The following PTHLH variants were observed in gnomAD, a reference collection of about 807,000 sequenced individuals.
PTHLH encodes the protein parathyroid hormone like hormone.
In PTHLH, 5 loss-of-function variants were observed where a neutral mutation model predicts 18.6. The ratio of observed to expected loss-of-function variants is 0.27; its 90% CI spans 0.14 to 0.56. The LOEUF (loss-of-function observed/expected upper bound fraction) is 0.56, where lower values mean the gene tolerates loss of function less well. Among genes scored for constraint, PTHLH ranks in the 20% least tolerant of loss-of-function variants. PTHLH has a pLI of 0.92. For synonymous variants in PTHLH, 90 were observed against 94.0 expected, an observed-to-expected ratio of 0.96 and a Z score of 0.25; for missense variants, 207 against 223.9, an observed-to-expected ratio of 0.92 and a Z score of 0.48.
At chr12:27,962,907 A>G in intron 5 of PTHLH, 6 of 1,050,878 alleles carry the variant, frequency 5.7e-6, no homozygotes, top group Non-Finnish European at 4.6e-6. Flanking sequence ...GTGTTTGTAG[A>G]TAATATCAAA....
Position 27,958,309 on chromosome 12 carries a change from T to C in PTHLH, c.*250A>G, listed in dbSNP as rs538059508. On this transcript the variant is annotated 3_prime_UTR_variant, in exon 6 of 6. Coordinates refer to ENST00000545234, the MANE Select transcript of PTHLH (RefSeq NM_198965.2). ...ATATAGAAATTCAGCAGCACCAAGA[T>C]ACATTTACAAAATAAATACATCAAT... 1.1e-5 allele frequency: 4 copies of C among 347,838 alleles called. No individual in the cohort carries two copies. Among genetic ancestry groups the C allele is most frequent in the Admixed American group, 4.7e-5 (1 of 21,368 alleles). The allele number at this position is 347,838 out of a possible 1,614,324, so 21.5% of individuals were successfully genotyped here. A position where few individuals can be genotyped will look rare whatever the true frequency, so the allele number is the denominator to read the frequency against.
intron 5 of PTHLH, chr12:27,963,139 A>G (rs1188671800): frequency 6.9e-6 from 10 of 1,449,384 alleles, no homozygotes; most frequent in South Asian, 1.4e-5. Flanking sequence ...GCGCCTCTCT[A>G]TGGTGCTGGA....
Position 27,969,026 on chromosome 12 carries a change from G to A in PTHLH, c.101+368C>T, listed in dbSNP as rs918899666. The A allele has an allele frequency of 1.4e-5, 4 of 291,458 alleles. No individual in the cohort carries two copies. The South Asian group carries it at 1.8e-4, about 13-fold the overall frequency. The allele number at this position is 291,458 out of a possible 1,614,324, so 18.1% of individuals were successfully genotyped here. On this transcript the variant is annotated intron_variant, in intron 4 of 5. Transcript: ENST00000545234. ...CAAGCGCGCAGGCCATACGTCCCCA[G>A]GACCGCTCAGCTTCCTCCGAGTTTC...
Position 27,958,397 on chromosome 12 carries a change from T to A in PTHLH, c.*162A>T, listed in dbSNP as rs1030181834. On this transcript the variant is annotated 3_prime_UTR_variant, in exon 6 of 6. Transcript: ENST00000545234. Reference sequence around the variant, plus strand: ...TGGATTAGCCTTGGCAAAAAAAAAATATTCACAATGACCAATGTGCAGTTT... The same window carrying A: ...TGGATTAGCCTTGGCAAAAAAAAAAAATTCACAATGACCAATGTGCAGTTT... The A allele has an allele frequency of 1.0e-4, 52 of 501,188 alleles. 1 individual carries two copies. Among genetic ancestry groups the A allele is most frequent in the Non-Finnish European group, 1.6e-4 (50 of 312,244 alleles). The allele number at this position is 501,188 out of a possible 1,614,324, so 31.0% of individuals were successfully genotyped here. A position where few individuals can be genotyped will look rare whatever the true frequency, so the allele number is the denominator to read the frequency against.
intron 5 of PTHLH, among the ~76,000 whole-genome samples, chr12:27,961,305 A>ATATATATACGTATATATATACG (rs1565520122): frequency 2.4e-5 from 1 of 42,482 alleles, no homozygotes; most frequent in African/African-American, 1.0e-4. Flanking sequence ...ATATACGTAT[A>ATATATATACGTATATATATACG]TATATATATA....
chr12:27,961,471 T>C (rs2062760862), intron 5 of PTHLH, among the ~76,000 whole-genome samples: 1 of 142,028 alleles, frequency 7.0e-6, no homozygotes, highest in Admixed American at 7.1e-5. Flanking sequence ...GTTTACTATA[T>C]ACATATATGT....
chr12:27,971,141 G>A (rs1481864148), intron 2 of PTHLH, among the ~76,000 whole-genome samples: 1 of 151,804 alleles, frequency 6.6e-6, no homozygotes, highest in African/African-American at 2.4e-5. Flanking sequence ...TACCCTACCT[G>A]CTTGTCCCCT....
At chr12:27,972,354 C>G (rs1392526012) in intron 1 of PTHLH, among the ~76,000 whole-genome samples, 169 bp downstream of exon 1, 1 of 152,224 alleles carries the variant, frequency 6.6e-6, no homozygotes, top group Non-Finnish European at 1.5e-5. Flanking sequence ...CCCACTCCTT[C>G]CCTCCTTTCT....
chr12:27,967,232 A>G (rs1338646083), intron 4 of PTHLH, among the ~76,000 whole-genome samples: 2 of 152,228 alleles, frequency 1.3e-5, no homozygotes, highest in African/African-American at 4.8e-5. Context: ...CTCACTTTCC[A>G]GTATCCAACT....
chr12:27,958,604 C>T, intron 5 of PTHLH, 36 bp from the exon 6 acceptor site: 2 of 1,550,086 alleles, frequency 1.3e-6, no homozygotes, highest in Non-Finnish European at 1.7e-6. Context: ...AAGGAGAAAA[C>T]AGGTTAGTTT....
Position 27,963,781 on chromosome 12 carries a change from A to G in PTHLH, c.102-11T>C. 1 of 1,613,680 alleles carries G rather than the reference A, an allele frequency of 6.2e-7. No individual in the cohort carries two copies. The highest frequency in any genetic ancestry group is 8.5e-7 in the Non-Finnish European group (1 of 1,179,738). On this transcript the variant is annotated splice_polypyrimidine_tract_variant and intron_variant, in intron 4 of 5. Coordinates refer to ENST00000545234, the MANE Select transcript of PTHLH (RefSeq NM_198965.2). ...GACACAGCTCTTTTGCTTTGAAAGA[A>G]AATATTAGAGGGGAAGAAAACAGTT...
At chr12:27,967,119 G>A (rs2062821473) in intron 4 of PTHLH, among the ~76,000 whole-genome samples, 1 of 152,240 alleles carries the variant, frequency 6.6e-6, no homozygotes. Context: ...ATCAGCCAAT[G>A]ACGTTTTAGG....
chr12:27,961,305 A>ATATATACGTATATATATATACGTG lies in PTHLH; in HGVS notation c.524+2042_524+2043insCACGTATATATATATACGTATATA, dbSNP rs1191839372. ...TATATACGTATATATATATACGTAT[A>ATATATACGTATATATATATACGTG]TATATATATATATATACGTATATAT... On this transcript the variant is annotated intron_variant, in intron 5 of 5. Transcript: ENST00000545234. Among the ~76,000 whole-genome samples the ATATATACGTATATATATATACGTG allele has an allele frequency of 4.7e-5, 2 of 42,484 alleles. 1 individual carries two copies. Among genetic ancestry groups the ATATATACGTATATATATATACGTG allele is most frequent in the Non-Finnish European group, 8.9e-5 (2 of 22,354 alleles). The allele number at this position is 42,484 out of a possible 152,430, so 27.9% of individuals were successfully genotyped here. A position where few individuals can be genotyped will look rare whatever the true frequency, so the allele number is the denominator to read the frequency against.
intron 4 of PTHLH, among the ~76,000 whole-genome samples, chr12:27,967,381 T>C (rs1259710462): frequency 6.6e-6 from 1 of 152,198 alleles, no homozygotes; most frequent in East Asian, 1.9e-4. Context: ...AGTTAGCATC[T>C]AGTTAAAAAA....
intron 2 of PTHLH, among the ~76,000 whole-genome samples, chr12:27,971,414 C>G (rs1031051437): frequency 1.1e-4 from 17 of 152,054 alleles, no homozygotes; most frequent in Admixed American, 3.9e-4. Context: ...CGCGAGTGGA[C>G]TGGGAACCAT....
At chr12:27,961,995 G>T in intron 5 of PTHLH, 2 of 681,834 alleles carry the variant, frequency 2.9e-6, no homozygotes, top group South Asian at 3.2e-5. Context: ...CAGAAGTGCT[G>T]TACTGAAAAG....
chr12:27,961,301 GTA>G lies in PTHLH; in HGVS notation c.524+2045_524+2046del, dbSNP rs56920245. 4.5e-3 allele frequency among the ~76,000 whole-genome samples: 380 copies of G among 84,432 alleles called. 5 individuals carry two copies. The highest frequency in any genetic ancestry group is 0.014 in the African/African-American group (323 of 23,710). 55.4% of individuals were successfully genotyped at this position (84,432 alleles called of 152,430 possible). A position where few individuals can be genotyped will look rare whatever the true frequency, so the allele number is the denominator to read the frequency against. ...CATATATATACGTATATATATATACGTATATATATATATATATATACGTATAT... is the reference window on the plus strand; with the variant it reads ...CATATATATACGTATATATATATACGTATATATATATATATATACGTATAT... On this transcript the variant is annotated intron_variant, in intron 5 of 5. Coordinates refer to ENST00000545234, the MANE Select transcript of PTHLH (RefSeq NM_198965.2).
At position 27,963,691 on chromosome 12, in the gene PTHLH, G is replaced by A. The variant is rs2120633255; in HGVS notation, c.181C>T (p.His61Tyr). Residue 61 changes from histidine (H) to tyrosine (Y), a missense_variant, in exon 5 of 6, where the codon CAC becomes TAC. Coordinates refer to ENST00000545234, the MANE Select transcript of PTHLH (RefSeq NM_198965.2). ...IQDLRRRFFLHHLIAEIHTAE... is the reference protein window; with the variant it reads ...IQDLRRRFFLYHLIAEIHTAE... Reference sequence around the variant, plus strand: ...GTGTGGATTTCTGCGATCAGATGGTGAAGGAAGAATCGTCGCCGTAAATCT... The same window carrying A: ...GTGTGGATTTCTGCGATCAGATGGTAAAGGAAGAATCGTCGCCGTAAATCT... 1 of 1,613,610 alleles carries A rather than the reference G, an allele frequency of 6.2e-7. No homozygotes were observed.
At chr12:27,968,591 G>A (rs926093957) in intron 4 of PTHLH, among the ~76,000 whole-genome samples, 2 of 152,162 alleles carry the variant, frequency 1.3e-5, no homozygotes, top group African/African-American at 4.8e-5. Context: ...CAAGTTTTCA[G>A]TCACACGACA....
Sources: gnomAD v4.1 joint callset for allele counts (sites outside exome capture counted in the v4.1 genomes callset) on GRCh38, gnomAD v4.1.1 for gene constraint, MANE v1.5 for transcripts, NCBI Gene and HGNC (gene_info 2026-07-23, HGNC 2026-07-21) for gene names.